The following MTA3 variants were observed in gnomAD, a reference collection of about 807,000 sequenced individuals.
MTA3 encodes metastasis-associated protein MTA3.
MTA3 carries 34 observed loss-of-function variants against 83.5 expected under a neutral mutation model. The ratio of observed to expected loss-of-function variants is 0.41; its 90% CI spans 0.31 to 0.54. The LOEUF (loss-of-function observed/expected upper bound fraction) is 0.54. MTA3 is among the 20% of genes least tolerant of loss of function. The pLI, the probability that MTA3 is intolerant of heterozygous loss-of-function variation, is 0.33. For synonymous variants in MTA3, 303 were observed against 252.7 expected (o/e 1.20, Z -1.89); for missense variants, 761 against 726.4 (o/e 1.05, Z -0.55).
At chr2:42,623,278 G>A (rs947772449) in intron 4 of MTA3, among the ~76,000 whole-genome samples, 39 of 152,330 alleles carry the variant, frequency 2.6e-4, no homozygotes, top group African/African-American at 8.9e-4. Flanking sequence ...AGGAACTGAG[G>A]CCCATTGTTT....
chr2:42,546,467 C>T (rs1278545938), intron 2 of MTA3, among the ~76,000 whole-genome samples: 1 of 151,634 alleles, frequency 6.6e-6, no homozygotes. Context: ...GTGGTCATCC[C>T]CTGCCATCTA....
intron 3 of MTA3, among the ~76,000 whole-genome samples, chr2:42,599,884 A>T (rs1392376660): frequency 6.6e-6 from 1 of 151,998 alleles, no homozygotes; most frequent in Non-Finnish European, 1.5e-5. Flanking sequence ...AATGTTTTCC[A>T]TTTCAAGACT....
chr2:42,695,716 T>A, intron 9 of MTA3, 49 bp from the exon 10 acceptor site: 1 of 1,122,876 alleles, frequency 8.9e-7, no homozygotes, highest in Middle Eastern at 2.5e-4. Flanking sequence ...TTTCATCTCA[T>A]TTTATTATAT....
intron 3 of MTA3, among the ~76,000 whole-genome samples, chr2:42,599,248 C>A (rs547583539): frequency 6.6e-6 from 1 of 152,118 alleles, no homozygotes; most frequent in African/African-American, 2.4e-5. Context: ...GTGCATCTTT[C>A]TAGCAACATT....
At chr2:42,592,713 C>G (rs976078020) in intron 3 of MTA3, among the ~76,000 whole-genome samples, 4 of 152,212 alleles carry the variant, frequency 2.6e-5, no homozygotes, top group African/African-American at 9.6e-5. Context: ...TCTTGTCCCA[C>G]TGGAAGGTCT....
chr2:42,647,050 G>A (rs537269460), intron 6 of MTA3, among the ~76,000 whole-genome samples: 1 of 150,390 alleles, frequency 6.6e-6, no homozygotes, highest in Non-Finnish European at 1.5e-5. Flanking sequence ...CAGCTACTCG[G>A]GAGGCTGAGG....
intron 16 of MTA3, among the ~76,000 whole-genome samples, chr2:42,747,111 C>T (rs1669499633): frequency 6.6e-6 from 1 of 151,948 alleles, no homozygotes; most frequent in Non-Finnish European, 1.5e-5. Flanking sequence ...GAGCGATTCT[C>T]CTGTCAGCCT....
Position 42,708,006 on chromosome 2 carries a change from G to A in MTA3, c.1254G>A (p.Met418Ile), listed in dbSNP as rs1666249213. 1.9e-6 allele frequency: 3 copies of A among 1,613,626 alleles called. No individual in the cohort carries two copies. Among genetic ancestry groups the A allele is most frequent in the Non-Finnish European group, 2.5e-6 (3 of 1,179,792 alleles). The change falls in exon 13 of 17, where the codon ATG (methionine) becomes ATA (isoleucine). Residue 418 changes from methionine to isoleucine, a missense_variant. Transcript: ENST00000405094. ...GGAAAAAATATGGAGGCTTGAAAAT[G>A]CCCACCCAGTCAGAAGAAGAGAAGT... The part of the protein sequence containing the change: ...LYWKKYGGLK[M>I]PTQSEEEKLS...
intron 16 of MTA3, among the ~76,000 whole-genome samples, chr2:42,732,133 G>C (rs1024214674): frequency 6.6e-6 from 1 of 152,228 alleles, no homozygotes; most frequent in African/African-American, 2.4e-5. Flanking sequence ...ACTAGGCAGT[G>C]CCCCAGTAGG....
chr2:42,646,545 G>T (rs1179661030), intron 6 of MTA3, among the ~76,000 whole-genome samples: 1 of 152,192 alleles, frequency 6.6e-6, no homozygotes, highest in Non-Finnish European at 1.5e-5. Flanking sequence ...TCCAACACTC[G>T]TGGATAACTT....
intron 4 of MTA3, 24 bp downstream of exon 4, chr2:42,609,608 G>A (rs1411068167): frequency 2.5e-6 from 4 of 1,611,130 alleles, no homozygotes; most frequent in East Asian, 4.5e-5. Context: ...AGGAACTAAG[G>A]TACTCAGTAC....
intron 4 of MTA3, among the ~76,000 whole-genome samples, chr2:42,639,063 C>CTT (rs563252870): frequency 1.4e-4 from 20 of 138,746 alleles, no homozygotes; most frequent in East Asian, 4.1e-4. Context: ...TTCTTTCTTT[C>CTT]TTTTTTTTTT....
chr2:42,596,746 T>C (rs1206701099), intron 3 of MTA3, among the ~76,000 whole-genome samples: 1 of 152,204 alleles, frequency 6.6e-6, no homozygotes, highest in East Asian at 1.9e-4. Flanking sequence ...CTTCTGTCAT[T>C]GTGTGGCTTA....
intron 5 of MTA3, among the ~76,000 whole-genome samples, chr2:42,643,034 TCCC>T (rs10533235): frequency 0.024 from 2,962 of 123,512 alleles, 134 homozygotes; most frequent in African/African-American, 0.081. Flanking sequence ...TATTGGTGTC[TCCC>T]CCCCCCCCCT....
chr2:42,719,617 T>C (rs963948911), intron 15 of MTA3, among the ~76,000 whole-genome samples: 1 of 152,222 alleles, frequency 6.6e-6, no homozygotes, highest in Non-Finnish European at 1.5e-5. Context: ...CAAGCGATCT[T>C]CCTGCCTTGA....
chr2:42,614,585 C>G (rs1460875067), intron 4 of MTA3, among the ~76,000 whole-genome samples: 1 of 152,168 alleles, frequency 6.6e-6, no homozygotes, highest in Non-Finnish European at 1.5e-5. Context: ...CTTCCATTAT[C>G]TGCTTTGTGA....
intron 6 of MTA3, among the ~76,000 whole-genome samples, chr2:42,646,956 A>G (rs2104326279): frequency 6.6e-6 from 1 of 151,740 alleles, no homozygotes; most frequent in Admixed American, 6.6e-5. Context: ...GGCGATCGAG[A>G]CCATCCTGGC....
At chr2:42,650,527 C>T (rs1688621040) in intron 6 of MTA3, among the ~76,000 whole-genome samples, 1 of 151,972 alleles carries the variant, frequency 6.6e-6, no homozygotes, top group Non-Finnish European at 1.5e-5. Flanking sequence ...GCAAGCTCCG[C>T]CTCCCGGGTT....
chr2:42,603,222 C>G (rs868834382), intron 3 of MTA3, among the ~76,000 whole-genome samples: 28 of 151,606 alleles, frequency 1.8e-4, no homozygotes, highest in African/African-American at 6.3e-4. Context: ...TAGTTTTTAC[C>G]CTAATGGTGG....
Sources: gnomAD v4.1 joint callset for allele counts (sites outside exome capture counted in the v4.1 genomes callset) on GRCh38, gnomAD v4.1.1 for gene constraint, MANE v1.5 for transcripts, NCBI Gene and HGNC (gene_info 2026-07-23, HGNC 2026-07-21) for gene names.